Variants in RARB observed in about 807,000 individuals in gnomAD.
RARB encodes the protein HBV-activated protein.
A neutral mutation model predicts 51.9 loss-of-function variants in RARB; 17 were observed. That is an observed-to-expected ratio of 0.33 (90% confidence interval 0.22 to 0.49). The LOEUF is 0.49. Ranked by LOEUF, RARB falls within the 20% of genes least tolerant of loss-of-function variation. The pLI is 0.99. For missense variants in RARB, 369 were observed against 550.8 expected, an observed-to-expected ratio of 0.67 and a Z score of 3.30; for synonymous variants, 215 against 195.4, an observed-to-expected ratio of 1.10 and a Z score of -0.84.
chr3:24,874,927 T>C (rs773653233), intron 2 of RARB, among the ~76,000 whole-genome samples: 1 of 152,102 alleles, frequency 6.6e-6, no homozygotes, highest in South Asian at 2.1e-4. Context: ...TCCCTCCTTT[T>C]AGTTGTTACA....
intron 5 of RARB, among the ~76,000 whole-genome samples, chr3:25,247,331 G>T (rs1702588762): frequency 6.6e-6 from 1 of 152,178 alleles, no homozygotes; most frequent in South Asian, 2.1e-4. Flanking sequence ...GGAATGAACT[G>T]TTCTGTCTTG....
intron 1 of RARB, among the ~76,000 whole-genome samples, chr3:25,443,689 T>A (rs536244676): frequency 2.0e-5 from 3 of 151,540 alleles, no homozygotes; most frequent in Non-Finnish European, 2.9e-5. Context: ...CCCAGCACTT[T>A]GGGAGTCTAA....
At chr3:25,534,824 T>A (rs1354044837) in intron 3 of RARB, among the ~76,000 whole-genome samples, 1 of 152,152 alleles carries the variant, frequency 6.6e-6, no homozygotes, top group East Asian at 1.9e-4. Context: ...GGGCTGCTAG[T>A]GCCCTGAACA....
At chr3:25,047,631 T>G (rs1698243750) in intron 2 of RARB, among the ~76,000 whole-genome samples, 2 of 152,232 alleles carry the variant, frequency 1.3e-5, no homozygotes, top group African/African-American at 4.8e-5. Flanking sequence ...TAGCCTATGC[T>G]AAGTGCTCTC....
At chr3:25,364,685 T>C (rs575235333) in intron 5 of RARB, among the ~76,000 whole-genome samples, 4 of 152,346 alleles carry the variant, frequency 2.6e-5, no homozygotes, top group East Asian at 1.9e-4. Flanking sequence ...ACAGTGAAGG[T>C]TGTTTCTATT....
chr3:25,354,651 C>T (rs1330905156), intron 5 of RARB, among the ~76,000 whole-genome samples: 1 of 152,116 alleles, frequency 6.6e-6, no homozygotes, highest in Non-Finnish European at 1.5e-5. Flanking sequence ...CAACATAAAC[C>T]AAGCTGTGCA....
chr3:25,055,681 A>G (rs2125301634), intron 2 of RARB, among the ~76,000 whole-genome samples: 1 of 152,226 alleles, frequency 6.6e-6, no homozygotes, highest in South Asian at 2.1e-4. Context: ...GAGGAGGCCA[A>G]TAAAGGGACA....
intron 5 of RARB, among the ~76,000 whole-genome samples, chr3:25,275,693 A>T (rs1703365098): frequency 6.6e-6 from 1 of 151,964 alleles, no homozygotes; most frequent in South Asian, 2.1e-4. Flanking sequence ...TCAGTGATGG[A>T]CATCATTGCC....
chr3:24,983,291 T>G (rs1054654998), intron 2 of RARB, among the ~76,000 whole-genome samples: 9 of 152,166 alleles, frequency 5.9e-5, no homozygotes, highest in East Asian at 1.9e-4. Flanking sequence ...TTGTTTGTTT[T>G]TTTTTTCACT....
chr3:24,878,549 G>A (rs953092742), intron 2 of RARB, among the ~76,000 whole-genome samples: 1 of 152,068 alleles, frequency 6.6e-6, no homozygotes, highest in Non-Finnish European at 1.5e-5. Flanking sequence ...CTCAACATTG[G>A]CATTGACATT....
chr3:25,021,652 TG>T (rs1697638017), intron 2 of RARB, among the ~76,000 whole-genome samples: 1 of 151,950 alleles, frequency 6.6e-6, no homozygotes, highest in Admixed American at 6.6e-5. Flanking sequence ...TATTTTTTAC[TG>T]GAAAAAAAAA....
intron 4 of RARB, among the ~76,000 whole-genome samples, chr3:25,573,783 T>A (rs188565780): frequency 0.045 from 6,924 of 152,242 alleles, 200 homozygotes; most frequent in Non-Finnish European, 0.068. Flanking sequence ...CCTTTGGAAT[T>A]AGTGGGCAGA....
intron 2 of RARB, among the ~76,000 whole-genome samples, chr3:25,463,354 T>TAG: frequency 6.6e-6 from 1 of 152,162 alleles, no homozygotes; most frequent in African/African-American, 2.4e-5. Context: ...GTCTGGCATA[T>TAG]AGTGGGTGCT....
At chr3:25,457,435 C>T (rs1694975372) in intron 1 of RARB, among the ~76,000 whole-genome samples, 1 of 152,198 alleles carries the variant, frequency 6.6e-6, no homozygotes, top group South Asian at 2.1e-4. Context: ...ATCACCACCA[C>T]CTAAATAAAA....
intron 4 of RARB, among the ~76,000 whole-genome samples, chr3:25,150,812 C>G: frequency 6.6e-6 from 1 of 152,142 alleles, no homozygotes; most frequent in East Asian, 1.9e-4. Flanking sequence ...GTTTTAGAAA[C>G]CCAAGAGACA....
chr3:25,452,057 T>C (rs572921789), intron 1 of RARB, among the ~76,000 whole-genome samples: 1 of 152,352 alleles, frequency 6.6e-6, no homozygotes, highest in East Asian at 1.9e-4. Context: ...AGACCTGTTC[T>C]AGCATTTGTT....
chr3:25,048,787 G>A (rs1305636960), intron 2 of RARB, among the ~76,000 whole-genome samples: 5 of 102,738 alleles, frequency 4.9e-5, no homozygotes, highest in African/African-American at 1.5e-4. Context: ...ACGGAGTCTC[G>A]CTCTGTTGCC....
chr3:25,069,295 A>G (rs1478785763), intron 3 of RARB, among the ~76,000 whole-genome samples: 1 of 152,178 alleles, frequency 6.6e-6, no homozygotes, highest in African/African-American at 2.4e-5. Flanking sequence ...CCACTGATTT[A>G]TTCACTTTGG....
intron 5 of RARB, among the ~76,000 whole-genome samples, chr3:25,592,759 T>C (rs915711292): frequency 6.6e-6 from 1 of 152,180 alleles, no homozygotes; most frequent in African/African-American, 2.4e-5. Context: ...GCCTACACTT[T>C]AGGGTTCGGT....
Sources: allele counts gnomAD v4.1 joint callset (sites outside exome capture counted in the v4.1 genomes callset), GRCh38; gene constraint gnomAD v4.1.1; transcripts MANE v1.5; gene names NCBI Gene and HGNC (gene_info 2026-07-23, HGNC 2026-07-21).